Variants in STPG2 observed in about 807,000 individuals in gnomAD.
The protein encoded by STPG2 is sperm-tail PG-rich repeat-containing protein 2.
STPG2 carries 56 observed loss-of-function variants against 54.2 expected under a neutral mutation model. The ratio of observed to expected loss-of-function variants is 1.03; its 90% confidence interval spans 0.83 to 1.29. The LOEUF (loss-of-function observed/expected upper bound fraction) is 1.29. STPG2 is among the 50% of genes most tolerant of loss of function. STPG2 has a pLI of 0.00. For synonymous variants in STPG2, 200 were observed against 181.8 expected (o/e 1.10, Z -0.81); for missense variants, 596 against 544.9 (o/e 1.09, Z -0.93).
At chr4:97,760,625 T>A (rs1725863427) in intron 9 of STPG2, among the ~76,000 whole-genome samples, 1 of 152,116 alleles carries the variant, frequency 6.6e-6, no homozygotes, top group African/African-American at 2.4e-5. Flanking sequence ...GGAAATATAA[T>A]ACTAAGCATC....
intron 8 of STPG2, among the ~76,000 whole-genome samples, chr4:97,859,165 C>A (rs1337974411): frequency 1.3e-5 from 2 of 151,860 alleles, no homozygotes; most frequent in Admixed American, 1.3e-4. Context: ...TCTTTTTTTT[C>A]ATACGTTTGT....
intron 4 of STPG2, among the ~76,000 whole-genome samples, chr4:97,518,982 T>A (rs1731129579): frequency 6.6e-6 from 1 of 152,054 alleles, no homozygotes; most frequent in Non-Finnish European, 1.5e-5. Flanking sequence ...TCTTATTCTA[T>A]GAATGACCCA....
intron 5 of STPG2, among the ~76,000 whole-genome samples, chr4:97,991,382 T>C (rs182920953): frequency 9.9e-5 from 15 of 151,062 alleles, no homozygotes; most frequent in Non-Finnish European, 1.8e-4. Flanking sequence ...TATATGTATA[T>C]ATATGTGTAT....
At chr4:97,778,564 T>C (rs1238527776) in intron 9 of STPG2, among the ~76,000 whole-genome samples, 1 of 152,186 alleles carries the variant, frequency 6.6e-6, no homozygotes, top group African/African-American at 2.4e-5. Flanking sequence ...TGTCCCTGTC[T>C]GACAGCTTTG....
At chr4:97,605,850 A>G (rs1733579791) in intron 10 of STPG2, among the ~76,000 whole-genome samples, 1 of 151,740 alleles carries the variant, frequency 6.6e-6, no homozygotes, top group Non-Finnish European at 1.5e-5. Context: ...GAAACAAAGA[A>G]CAAACCCACT....
rs183285289 is a variant in STPG2, at chr4:97,876,044, A to T, written c.1045-35112T>A. Among the ~76,000 whole-genome samples the T allele has an allele frequency of 6.4e-3, 969 of 152,158 alleles. 15 individuals carry two copies. Among genetic ancestry groups the T allele is most frequent in the Non-Finnish European group, 5.4e-3 (366 of 67,916 alleles). On this transcript the variant is annotated intron_variant, in intron 8 of 10. Coordinates refer to ENST00000295268, the MANE Select transcript of STPG2 (RefSeq NM_174952.3). ...ACTTCATTAAAAATTCAGCCAGTAC[A>T]CAGTTCGTCTACTGTATGAACTGTG...
intron 4 of STPG2, among the ~76,000 whole-genome samples, chr4:97,547,950 C>A (rs148460362): frequency 1.3e-5 from 2 of 151,738 alleles, no homozygotes; most frequent in Non-Finnish European, 2.9e-5. Flanking sequence ...CGGGAGTTCA[C>A]GACCAGCCTG....
intron 4 of STPG2, among the ~76,000 whole-genome samples, chr4:97,537,496 G>A (rs189544209): frequency 1.3e-3 from 195 of 152,290 alleles, no homozygotes; most frequent in Non-Finnish European, 2.1e-3. Flanking sequence ...AAGGCTGGGG[G>A]AGGAGTGTCC....
intron 9 of STPG2, among the ~76,000 whole-genome samples, chr4:97,716,065 A>G (rs1724277415): frequency 6.6e-6 from 1 of 152,202 alleles, no homozygotes; most frequent in Non-Finnish European, 1.5e-5. Flanking sequence ...GAAGACATTT[A>G]TGTGGCCAAC....
chr4:98,119,046 A>T (rs1362296956), intron 3 of STPG2, among the ~76,000 whole-genome samples: 2 of 152,254 alleles, frequency 1.3e-5, no homozygotes, highest in East Asian at 3.9e-4. Context: ...TCATGGTAAA[A>T]CTGGTTCAGG....
chr4:97,799,607 C>A (rs1173597824), intron 9 of STPG2, among the ~76,000 whole-genome samples: 5 of 152,164 alleles, frequency 3.3e-5, no homozygotes, highest in East Asian at 1.9e-4. Context: ...TCTCTGGCTG[C>A]CCTTAACATT....
intron 8 of STPG2, among the ~76,000 whole-genome samples, chr4:97,937,947 A>C (rs978031971): frequency 6.6e-6 from 1 of 152,122 alleles, no homozygotes; most frequent in Non-Finnish European, 1.5e-5. Flanking sequence ...GGGCAAACCC[A>C]CTCATCTGGG....
intron 9 of STPG2, among the ~76,000 whole-genome samples, chr4:97,782,100 A>G (rs1726647528): frequency 1.3e-5 from 2 of 152,190 alleles, no homozygotes; most frequent in Non-Finnish European, 2.9e-5. Context: ...GGCAGGAGAA[A>G]TCAATAAAGG....
intron 8 of STPG2, among the ~76,000 whole-genome samples, chr4:97,913,609 G>A (rs1057171273): frequency 6.6e-6 from 1 of 152,102 alleles, no homozygotes; most frequent in Non-Finnish European, 1.5e-5. Flanking sequence ...GTAATTCCAA[G>A]TTTGGCAATA....
chr4:97,552,512 GATATC>G (rs1731987314), intron 4 of STPG2, among the ~76,000 whole-genome samples: 1 of 151,896 alleles, frequency 6.6e-6, no homozygotes. Flanking sequence ...TTTAGAACTA[GATATC>G]ATATCATATT....
intron 9 of STPG2, among the ~76,000 whole-genome samples, chr4:97,827,890 C>T (rs1038079181): frequency 1.3e-4 from 20 of 152,208 alleles, no homozygotes; most frequent in African/African-American, 4.8e-4. Flanking sequence ...ATGTCACTTT[C>T]TGACAGGCCC....
At chr4:98,055,244 C>T (rs1352074598) in intron 5 of STPG2, among the ~76,000 whole-genome samples, 1 of 151,980 alleles carries the variant, frequency 6.6e-6, no homozygotes, top group Non-Finnish European at 1.5e-5. Flanking sequence ...TTCAAGACAG[C>T]AGTGGAGGAG....
At chr4:97,619,059 A>C (rs1281249594) in intron 10 of STPG2, among the ~76,000 whole-genome samples, 1 of 152,170 alleles carries the variant, frequency 6.6e-6, no homozygotes, top group African/African-American at 2.4e-5. Context: ...TCCTAGGCTG[A>C]TTACAGATGC....
At chr4:97,582,947 A>C (rs1317189134) in intron 10 of STPG2, among the ~76,000 whole-genome samples, 1 of 152,022 alleles carries the variant, frequency 6.6e-6, no homozygotes, top group African/African-American at 2.4e-5. Context: ...CTTTTTGAAC[A>C]CTGTAGTTTG....
Sources: allele counts gnomAD v4.1 joint callset (sites outside exome capture counted in the v4.1 genomes callset), GRCh38; gene constraint gnomAD v4.1.1; transcripts MANE v1.5; gene names NCBI Gene and HGNC (gene_info 2026-07-23, HGNC 2026-07-21).